Variants in ABCA2 observed in about 807,000 individuals in gnomAD.
ABCA2 encodes ATP binding cassette subfamily A member 2, also known as ATP-binding cassette sub-family A member 2.
Under a neutral mutation model 262.8 loss-of-function variants are expected in ABCA2, and 84 were observed. The observed-to-expected ratio is 0.32, with a 90% CI of 0.27 to 0.38. The LOEUF is 0.38. Ranked by LOEUF, ABCA2 falls within the 10% of genes least tolerant of loss-of-function variation. The pLI is 1.00. For missense variants in ABCA2, 2,662 were observed against 3,405.9 expected (o/e 0.78, Z 5.44); for synonymous variants, 1,696 against 1,502.9 (o/e 1.13, Z -2.97).
In ABCA2 at chr9:137,022,845, C is replaced by T. The variant is rs752161404; in HGVS notation, c.296G>A (p.Arg99His). 21 of 1,583,522 alleles carry T rather than the reference C, an allele frequency of 1.3e-5. No homozygotes were observed. Among genetic ancestry groups the T allele is most frequent in the Admixed American group, 9.0e-5 (5 of 55,776 alleles). The change falls in exon 5 of 49, where the codon CGC becomes CAC. Residue 99 changes from arginine (R) to histidine (H), a missense_variant. By Grantham distance (29) the Arg-to-His change is conservative (BLOSUM62 0). Around this residue, in one of 12 missense-constraint regions of ABCA2, gnomAD observed 101 missense variants for 152.3 expected, o/e 0.66. Coordinates refer to ENST00000341511, the MANE Select transcript of ABCA2 (RefSeq NM_001606.5). ...ANSTVTQLLE[R>H]LDRVVEEGNL... ...GCCTTCCTCCACCACGCGGTCCAGG[C>T]GCTCAAGCAGCTGCGTGACCCTGCA...
intron 10 of ABCA2, 157 bp downstream of exon 10, chr9:137,020,179 C>T (rs1831401922): frequency 2.1e-6 from 2 of 930,532 alleles, no homozygotes; most frequent in Non-Finnish European, 1.6e-6. Flanking sequence ...AAGCGACCCC[C>T]TGGTCCCCCA....
chr9:137,009,327 C>T (rs757469451), intron 45 of ABCA2, 43 bp downstream of exon 45: 28 of 1,069,488 alleles, frequency 2.6e-5, no homozygotes, highest in East Asian at 5.2e-5. Flanking sequence ...GGCCGCCCCC[C>T]CCGGGCCCGC....
At chr9:137,013,763 C>T in intron 28 of ABCA2, 69 bp downstream of exon 28, 2 of 1,509,704 alleles carry the variant, frequency 1.3e-6, no homozygotes, top group Non-Finnish European at 1.8e-6. Flanking sequence ...CAGGAGTGGG[C>T]ATCATCAGGG....
rs370467531 is a variant in ABCA2, at chr9:137,009,917, G to A, written c.6496-14C>T. 1.7e-5 allele frequency: 28 copies of A among 1,602,482 alleles called. No homozygotes were observed. The highest frequency in any genetic ancestry group is 1.2e-4 in the African/African-American group (9 of 74,752). On this transcript the variant is annotated splice_polypyrimidine_tract_variant and intron_variant, in intron 42 of 48. Coordinates refer to ENST00000341511, the MANE Select transcript of ABCA2 (RefSeq NM_001606.5). The stretch of plus-strand genomic sequence containing the variant: ...CCACTTCACCACCTGGCCAGGGAAC[G>A]CAGGTGTCAGTGGAGGCAGGGCCAC...
At position 137,009,996 on chromosome 9, in the gene ABCA2, T is replaced by C. The variant is rs748410562; in HGVS notation, c.6482A>G (p.Lys2161Arg). 77 of 1,597,956 alleles carry C rather than the reference T, an allele frequency of 4.8e-5. No homozygotes were observed. Among genetic ancestry groups the C allele is most frequent in the Non-Finnish European group, 5.9e-5 (69 of 1,173,230 alleles). ...ACAGATCCTCACCCGGGCCTCGTCCTTCCAGGAGATCCCACGCAGCCGCGT... is the reference window on the plus strand; with the variant it reads ...ACAGATCCTCACCCGGGCCTCGTCCCTCCAGGAGATCCCACGCAGCCGCGT... ...LYTRLRGISW[K>R]DEARVVKWAL... is the part of the protein sequence containing the mutation. The change falls in exon 42 of 49, where the codon AAG (lysine) becomes AGG (arginine). Residue 2161 changes from lysine (K) to arginine (R), a missense_variant. This residue lies in a region of ABCA2 where 602 missense variants were observed against 897.4 expected (regional missense o/e 0.67). Coordinates refer to ENST00000341511, the MANE Select transcript of ABCA2 (RefSeq NM_001606.5).
At chr9:137,015,623 G>A in intron 23 of ABCA2, 27 bp from the exon 24 acceptor site, 4 of 1,611,810 alleles carry the variant, frequency 2.5e-6, no homozygotes, top group Non-Finnish European at 3.4e-6. Flanking sequence ...CCCAGGGTCA[G>A]GGGGCAGGGG....
intron 17 of ABCA2, 71 bp from the exon 18 acceptor site, chr9:137,017,417 G>A (rs2131452198): frequency 6.2e-7 from 1 of 1,600,998 alleles, no homozygotes; most frequent in Non-Finnish European, 8.5e-7. Context: ...CCCGTGCCAG[G>A]GTCCAGGGGG....
At chr9:137,027,942 CGGGCCCGCGCCGCCCCCAGCGCCCGCCG>C in intron 1 of ABCA2, 105 bp downstream of exon 1, 1 of 284,248 alleles carries the variant, frequency 3.5e-6, no homozygotes, top group Non-Finnish European at 5.2e-6. Context: ...GGAGGGGGCT[CGGGCCCGCGCCGCCCCCAGCGCCCGCCG>C]GGGTCTGCGC....
chr9:137,009,303 TG>T, intron 45 of ABCA2, 66 bp downstream of exon 45: 2 of 1,127,642 alleles, frequency 1.8e-6, no homozygotes, highest in African/African-American at 1.9e-5. Flanking sequence ...CCCCCACTCC[TG>T]GCCCCGCTGC....
In ABCA2 at chr9:137,019,369, C is replaced by T. The variant is rs1831375113; in HGVS notation, c.1426-63G>A. ...GGACCCCCACCGACTTGGGGGCTCT[C>T]ACCCCACTCACCTCCCCAGTGGCTG... On this transcript the variant is annotated intron_variant, in intron 10 of 48. Transcript: ENST00000341511. This position sits in a 1 kb window ranked among gnomAD's most constrained non-coding sequence, Gnocchi z 4.4. The T allele has an allele frequency of 6.4e-7, 1 of 1,574,792 alleles. No homozygotes were observed. Among genetic ancestry groups the T allele is most frequent in the Non-Finnish European group, 8.7e-7 (1 of 1,155,116 alleles).
Position 137,009,921 on chromosome 9 carries a change from G to A in ABCA2, c.6496-18C>T, listed in dbSNP as rs1830973286. The A allele has an allele frequency of 2.5e-6, 4 of 1,602,302 alleles. No homozygotes were observed. Among genetic ancestry groups the A allele is most frequent in the Non-Finnish European group, 3.4e-6 (4 of 1,172,942 alleles). Reference sequence around the variant, plus strand: ...TTCACCACCTGGCCAGGGAACGCAGGTGTCAGTGGAGGCAGGGCCACCCAG... The same window carrying A: ...TTCACCACCTGGCCAGGGAACGCAGATGTCAGTGGAGGCAGGGCCACCCAG... On this transcript the variant is annotated intron_variant, in intron 42 of 48. Transcript: ENST00000341511.
chr9:137,019,315 G>T lies in ABCA2; in HGVS notation c.1426-9C>A. On this transcript the variant is annotated splice_polypyrimidine_tract_variant and intron_variant, in intron 10 of 48. Coordinates refer to ENST00000341511, the MANE Select transcript of ABCA2 (RefSeq NM_001606.5). The surrounding 1 kb of genome is among the most constrained non-coding windows in gnomAD (Gnocchi z 4.4). ...GCAAAAGTCTCGTTGGCCTGCAGGG[G>T]GTGAGGCAGGGGCATGGAGTTTCTG... 1 of 1,612,144 alleles carries T rather than the reference G, an allele frequency of 6.2e-7. No homozygotes were observed. Among genetic ancestry groups the T allele is most frequent in the Non-Finnish European group, 8.5e-7 (1 of 1,179,568 alleles).
chr9:137,009,260 C>G (rs1564210538), intron 45 of ABCA2, 110 bp downstream of exon 45: 2 of 1,012,262 alleles, frequency 2.0e-6, no homozygotes, highest in Admixed American at 2.6e-5. Flanking sequence ...CCCCAGCCCC[C>G]CTGGCCCCAC....
chr9:137,012,266 G>A lies in ABCA2; in HGVS notation c.5298C>T (p.Tyr1766=), dbSNP rs765557399. ...LPKSKGNPAA[Y]GITVTNHPMN... ...CCCGCCCTGCCTATGTCAGCTCACCGTAAGCCGCCGGGTTGCCCTTGCTCT... is the reference window on the plus strand; with the variant it reads ...CCCGCCCTGCCTATGTCAGCTCACCATAAGCCGCCGGGTTGCCCTTGCTCT... Residue 1766 remains tyrosine (Y), a splice_region_variant and synonymous_variant, in exon 33 of 49, where the codon TAC becomes TAT. Transcript: ENST00000341511. 2.4e-4 allele frequency: 302 copies of A among 1,274,958 alleles called. 1 individual carries two copies. The highest frequency in any genetic ancestry group is 4.1e-4 in the Admixed American group (19 of 46,132). The allele number at this position is 1,274,958 out of a possible 1,614,324, so 79.0% of individuals were successfully genotyped here. A position where few individuals can be genotyped will look rare whatever the true frequency, so the allele number is the denominator to read the frequency against.
Position 137,008,444 on chromosome 9 carries a change from T to C in ABCA2, c.7247A>G (p.Glu2416Gly), listed in dbSNP as rs370107877. The change falls in exon 48 of 49, where the codon GAG (glutamate) becomes GGG (glycine). Residue 2416 changes from glutamate (E) to glycine (G), a missense_variant. Transcript: ENST00000341511. ...CTCCTCCTCGAAGCTGATGAGGCCC[T>C]CGTCCTCCGTGTCCAGGTCCTCGGG... ...DEPEDLDTED[E>G]GLISFEEERA... 17 of 1,554,230 alleles carry C rather than the reference T, an allele frequency of 1.1e-5. No homozygotes were observed. The East Asian group carries it at 4.1e-4, about 38-fold the overall frequency.
In ABCA2 at chr9:137,022,511, G is replaced by A. The variant is rs753471887; in HGVS notation, c.440-33C>T. 27 of 1,602,384 alleles carry A rather than the reference G, an allele frequency of 1.7e-5. No individual in the cohort carries two copies. In the Admixed American group the frequency reaches 2.0e-4, roughly 12 times the overall value. ...GGCAGGAAGGCGAGGCTGAGAGGCC[G>A]CTGCACCTTGGCAAGGTGCCCCCAC... On this transcript the variant is annotated intron_variant, in intron 5 of 48. Transcript: ENST00000341511.
At position 137,010,195 on chromosome 9, in the gene ABCA2, G is replaced by A. The variant is rs764260657; in HGVS notation, c.6351C>T (p.His2117=). The A allele has an allele frequency of 1.9e-6, 3 of 1,601,726 alleles. No homozygotes were observed. Among genetic ancestry groups the A allele is most frequent in the East Asian group, 2.2e-5 (1 of 44,666 alleles). Reference sequence around the variant, plus strand: ...CCCACCCAGGGCTCCCGCCCCACCTGTGTCCATTGACGAAGGCCTCGCCCC... The same window carrying A: ...CCCACCCAGGGCTCCCGCCCCACCTATGTCCATTGACGAAGGCCTCGCCCC... The part of the protein sequence containing the change: ...TTGGEAFVNG[H]SVLKELLQVQ... The change falls in exon 41 of 49, where the codon CAC becomes CAT. Residue 2117 remains histidine (H), a splice_region_variant and synonymous_variant. Coordinates refer to ENST00000341511, the MANE Select transcript of ABCA2 (RefSeq NM_001606.5).
Position 137,011,961 on chromosome 9 carries a change from C to A in ABCA2, c.5418G>T (p.Val1806=). The A allele has an allele frequency of 6.2e-7, 1 of 1,612,726 alleles. No individual in the cohort carries two copies. Among genetic ancestry groups the A allele is most frequent in the Non-Finnish European group, 8.5e-7 (1 of 1,179,970 alleles). ...CGAGGAAGACAACGAAGCTGGCCGGCACGAAGGACATGGCCACGATGATGA... is the reference window on the plus strand; with the variant it reads ...CGAGGAAGACAACGAAGCTGGCCGGAACGAAGGACATGGCCACGATGATGA... ...AIFIIVAMSF[V]PASFVVFLVA... is the part of the protein sequence containing the mutation. The change falls in exon 35 of 49, where the codon GTG becomes GTT. Residue 1806 remains valine, a synonymous_variant. Transcript: ENST00000341511. This position sits in a 1 kb window ranked among gnomAD's most constrained non-coding sequence, Gnocchi z 8.8.
intron 23 of ABCA2, 29 bp from the exon 24 acceptor site, chr9:137,015,625 G>A (rs1175179613): frequency 1.2e-6 from 2 of 1,611,786 alleles, no homozygotes; most frequent in Non-Finnish European, 1.7e-6. Flanking sequence ...CAGGGTCAGG[G>A]GGCAGGGGAG....
Sources: allele counts gnomAD v4.1 joint callset, GRCh38; gene constraint gnomAD v4.1.1; regional missense constraint gnomAD v4.1.1; non-coding constraint Gnocchi (gnomAD v3.1); transcripts MANE v1.5; gene names NCBI Gene and HGNC (gene_info 2026-07-23, HGNC 2026-07-21).